The following CPA6 variants were observed in gnomAD, a reference collection of about 807,000 sequenced individuals.
The protein encoded by CPA6 is carboxypeptidase B.
In CPA6, 58 loss-of-function variants were observed where a neutral mutation model predicts 63.3. That is an observed-to-expected ratio of 0.92 (90% CI 0.74 to 1.14). CPA6 has a LOEUF of 1.14. Among genes scored for constraint, CPA6 ranks in the 50% most tolerant of loss-of-function variants. The probability of loss-of-function intolerance (pLI) is 0.00; values close to 1 mark genes in which losing one functional copy is unlikely to be tolerated. For synonymous variants in CPA6, 185 were observed against 179.0 expected (o/e 1.03, Z -0.27); for missense variants, 565 against 526.6 (o/e 1.07, Z -0.71).
chr8:67,435,091 G>C (rs1284107947), intron 8 of CPA6, among the ~76,000 whole-genome samples: 2 of 152,222 alleles, frequency 1.3e-5, no homozygotes, highest in African/African-American at 2.4e-5. Flanking sequence ...AGGCTCAGAG[G>C]AAGGACAGTC....
chr8:67,662,373 C>G (rs927383849), intron 1 of CPA6, among the ~76,000 whole-genome samples: 2 of 151,096 alleles, frequency 1.3e-5, no homozygotes, highest in South Asian at 2.1e-4. Flanking sequence ...TGATGTTATT[C>G]TAGAAAATGA....
intron 6 of CPA6, among the ~76,000 whole-genome samples, chr8:67,490,395 A>C (rs1563974101): frequency 6.6e-6 from 1 of 152,116 alleles, no homozygotes; most frequent in Non-Finnish European, 1.5e-5. Flanking sequence ...CTTTATTACT[A>C]TTGTTGCTTA....
At chr8:67,487,644 C>T (rs55801056) in intron 6 of CPA6, among the ~76,000 whole-genome samples, 45 of 152,310 alleles carry the variant, frequency 3.0e-4, no homozygotes, top group Non-Finnish European at 5.6e-4. Context: ...CTTCCACAAT[C>T]GTTGAACTAG....
At chr8:67,497,839 G>A (rs1055815368) in intron 6 of CPA6, among the ~76,000 whole-genome samples, 1 of 152,004 alleles carries the variant, frequency 6.6e-6, no homozygotes, top group Admixed American at 6.5e-5. Context: ...TTACAGGCAT[G>A]CACCACCATG....
rs1813037302 is a variant in CPA6, at chr8:67,555,397, T to C, written c.193-37350A>G. On this transcript the variant is annotated intron_variant, in intron 2 of 10. Coordinates refer to ENST00000297770, the MANE Select transcript of CPA6 (RefSeq NM_020361.5). ...CTTTACAAAGACCCCTAAATGATGG[T>C]GTGTGGGGAGCTTAGAGTTGATGAA... is the stretch of plus-strand genomic sequence containing the variant. Among the ~76,000 whole-genome samples the C allele has an allele frequency of 2.0e-5, 3 of 152,076 alleles. No homozygotes were observed. The South Asian group carries it at 6.2e-4, about 31-fold the overall frequency.
At chr8:67,432,075 G>T (rs1267181421) in intron 9 of CPA6, among the ~76,000 whole-genome samples, 2 of 152,212 alleles carry the variant, frequency 1.3e-5, no homozygotes, top group Non-Finnish European at 2.9e-5. Context: ...CATCTCCAGA[G>T]TGCTAAGGGT....
intron 1 of CPA6, among the ~76,000 whole-genome samples, chr8:67,723,308 T>C (rs376231544): frequency 6.6e-5 from 10 of 151,308 alleles, no homozygotes; most frequent in African/African-American, 2.0e-4. Context: ...GGATCTTAAC[T>C]CTTAAAACTT....
At chr8:67,571,630 AT>A (rs1206185840) in intron 2 of CPA6, among the ~76,000 whole-genome samples, 1 of 152,226 alleles carries the variant, frequency 6.6e-6, no homozygotes, top group Non-Finnish European at 1.5e-5. Flanking sequence ...AAATTAAAAA[AT>A]ATCTTGAGAC....
At chr8:67,619,753 G>GT (rs1815038131) in intron 2 of CPA6, among the ~76,000 whole-genome samples, 2 of 152,316 alleles carry the variant, frequency 1.3e-5, no homozygotes, top group African/African-American at 2.4e-5. Context: ...AGGAAATGCA[G>GT]TTTTTTCAAC....
At chr8:67,683,236 G>T (rs1299464643) in intron 1 of CPA6, among the ~76,000 whole-genome samples, 1 of 152,092 alleles carries the variant, frequency 6.6e-6, no homozygotes, top group Admixed American at 6.5e-5. Context: ...TAGGCAGGAG[G>T]GTGTCTCCAA....
At chr8:67,654,132 G>T (rs1409266535) in intron 1 of CPA6, among the ~76,000 whole-genome samples, 1 of 152,174 alleles carries the variant, frequency 6.6e-6, no homozygotes, top group East Asian at 1.9e-4. Flanking sequence ...TGTGCTGCTG[G>T]ATTCCATTTG....
At chr8:67,568,329 A>G (rs377417984) in intron 2 of CPA6, among the ~76,000 whole-genome samples, 136 of 152,362 alleles carry the variant, frequency 8.9e-4, no homozygotes, top group African/African-American at 3.1e-3. Context: ...GAGAAAGGTA[A>G]ATCTATGAAA....
chr8:67,546,011 C>T (rs1250177227), intron 2 of CPA6, among the ~76,000 whole-genome samples: 4 of 152,160 alleles, frequency 2.6e-5, no homozygotes, highest in South Asian at 2.1e-4. Context: ...CACAGACAGA[C>T]TCATCCCCCT....
rs1326825835 is a variant in CPA6, at chr8:67,515,765, C to A, written c.317+2158G>T. Among the ~76,000 whole-genome samples, 6 of 152,240 alleles carry A rather than the reference C, an allele frequency of 3.9e-5. No homozygotes were observed. In the East Asian group the frequency reaches 1.2e-3, roughly 29 times the overall value. On this transcript the variant is annotated intron_variant, in intron 3 of 10. Coordinates refer to ENST00000297770, the MANE Select transcript of CPA6 (RefSeq NM_020361.5). ...TTGACTGCACCAGCCTCAAAGATAT[C>A]CACACAACACTCCCCTTCAATAATC... is the stretch of plus-strand genomic sequence containing the variant.
At chr8:67,595,884 C>T (rs1271661847) in intron 2 of CPA6, among the ~76,000 whole-genome samples, 5 of 152,178 alleles carry the variant, frequency 3.3e-5, no homozygotes, top group South Asian at 2.1e-4. Flanking sequence ...CAGTGTGCTG[C>T]ACCCACTGTC....
At chr8:67,456,504 A>G (rs1687100806) in intron 8 of CPA6, among the ~76,000 whole-genome samples, 1 of 152,234 alleles carries the variant, frequency 6.6e-6, no homozygotes, top group African/African-American at 2.4e-5. Context: ...CCGTGACCCC[A>G]GGCTCTTCTT....
chr8:67,627,073 A>G (rs1815208911), intron 1 of CPA6, among the ~76,000 whole-genome samples: 1 of 152,274 alleles, frequency 6.6e-6, no homozygotes, highest in African/African-American at 2.4e-5. Context: ...AAATGAATTT[A>G]TTGCTGTTTG....
chr8:67,514,638 C>G (rs557393663), intron 3 of CPA6, among the ~76,000 whole-genome samples: 1 of 152,156 alleles, frequency 6.6e-6, no homozygotes, highest in Admixed American at 6.5e-5. Flanking sequence ...ACTTTATTCT[C>G]TGTGACATAA....
chr8:67,483,951 A>G (rs1811416062), intron 7 of CPA6, 93 bp from the exon 8 acceptor site: 1 of 1,028,490 alleles, frequency 9.7e-7, no homozygotes, highest in African/African-American at 1.6e-5. Context: ...GAGTCATACC[A>G]CTGAGGGGAG....
Sources: allele counts gnomAD v4.1 joint callset (sites outside exome capture counted in the v4.1 genomes callset), GRCh38; gene constraint gnomAD v4.1.1; transcripts MANE v1.5; gene names NCBI Gene and HGNC (gene_info 2026-07-23, HGNC 2026-07-21).